SOX17: variants seen among roughly 807,000 people sequenced by gnomAD.
SOX17 encodes SRY-box transcription factor 17.
In SOX17, 4 loss-of-function variants were observed where a neutral mutation model predicts 16.0. The ratio of observed to expected loss-of-function variants is 0.25; its 90% confidence interval spans 0.12 to 0.57. The LOEUF (loss-of-function observed/expected upper bound fraction) is 0.57. SOX17 is among the 20% of genes least tolerant of loss of function. The pLI is 0.92. For missense variants in SOX17, 633 were observed against 609.7 expected (o/e 1.04, Z -0.40); for synonymous variants, 357 against 284.6 (o/e 1.25, Z -2.56).
chr8:54,458,520 C>CAG lies in SOX17; in HGVS notation c.307+75_307+76insAG, dbSNP rs71554162. The stretch of plus-strand genomic sequence containing the variant: ...CTAGGCCGATTTCTTAAACCCCAAA[C>CAG]TGTTCTTTGCGAGCCTGACGCCCAA... On this transcript the variant is annotated intron_variant, in intron 1 of 1. Coordinates refer to ENST00000297316, the MANE Select transcript of SOX17 (RefSeq NM_022454.4). The CAG allele has an allele frequency of 0.2, 316,472 of 1,558,862 alleles. 35,924 individuals are homozygous for CAG. Among genetic ancestry groups the CAG allele is most frequent in the East Asian group, 0.39 (16,815 of 43,270 alleles).
At position 54,458,224 on chromosome 8, in the gene SOX17, C is replaced by CCT. The variant is rs1374608094; in HGVS notation, c.87_88dup (p.Cys30SerfsTer8). On this transcript the variant is annotated frameshift_variant, in exon 1 of 2. Transcript: ENST00000297316. LOFTEE classifies it high-confidence loss of function. The stretch of plus-strand genomic sequence containing the variant: ...CCCGCGGTGATGGCCGGGCTGGGCC[C>CCT]CTGCCCCTGGGCCGAGTCGCTGAGC... 1.3e-6 allele frequency: 2 copies of CCT among 1,595,908 alleles called. No homozygotes were observed. The highest frequency in any genetic ancestry group is 3.5e-5 in the Admixed American group (2 of 57,350).
At chr8:54,459,015 C>G (rs770756461) in intron 1 of SOX17, 43 bp from the exon 2 acceptor site, 5 of 1,508,624 alleles carry the variant, frequency 3.3e-6, no homozygotes, top group Non-Finnish European at 4.5e-6. Flanking sequence ...GGAGCGCAGC[C>G]GATAAGCCCT....
rs1450721508 is a variant in SOX17, at chr8:54,459,980, C to T, written c.1230C>T (p.Asn410=). 1 of 1,613,808 alleles carries T rather than the reference C, an allele frequency of 6.2e-7. No homozygotes were observed. The highest frequency in any genetic ancestry group is 2.2e-5 in the East Asian group (1 of 44,886). ...SDASSAVYYC[N]YPDV is the part of the protein sequence containing the mutation. ...CCAGCTCCGCGGTATATTACTGCAA[C>T]TATCCTGACGTGTGACAGGTCCCTG... The change falls in exon 2 of 2, where the codon AAC becomes AAT. Residue 410 remains asparagine (N), a synonymous_variant. Coordinates refer to ENST00000297316, the MANE Select transcript of SOX17 (RefSeq NM_022454.4).
Position 54,457,942 on chromosome 8 carries a change from C to G in SOX17, c.-197C>G. 1.6e-6 allele frequency: 1 copy of G among 625,714 alleles called. No individual in the cohort carries two copies. Among genetic ancestry groups the G allele is most frequent in the Non-Finnish European group, 2.5e-6 (1 of 395,456 alleles). The allele number at this position is 625,714 out of a possible 1,614,324, so 38.8% of individuals were successfully genotyped here. On this transcript the variant is annotated 5_prime_UTR_variant, in exon 1 of 2. Coordinates refer to ENST00000297316, the MANE Select transcript of SOX17 (RefSeq NM_022454.4). Reference sequence around the variant, plus strand: ...CGCGGCCCAGGGGCGCCCGCAGTGTCACTAGGCCGGCTGGGGGCCCTGGGT... The same window carrying G: ...CGCGGCCCAGGGGCGCCCGCAGTGTGACTAGGCCGGCTGGGGGCCCTGGGT...
chr8:54,460,808 TGGGAAGTGGCAA>T lies in SOX17; in HGVS notation c.*815_*826del, dbSNP rs1271074041. The stretch of plus-strand genomic sequence containing the variant: ...CCTTAATCTTCACATTTTTACACCT[TGGGAAGTGGCAA>T]GCATCGCTGGGTTTAAGATAAAGGA... On this transcript the variant is annotated 3_prime_UTR_variant, in exon 2 of 2. Transcript: ENST00000297316. The T allele has an allele frequency of 4.4e-6, 1 of 227,148 alleles. No homozygotes were observed. The highest frequency in any genetic ancestry group is 8.7e-6 in the Non-Finnish European group (1 of 114,432). 14.1% of individuals were successfully genotyped at this position (227,148 alleles called of 1,614,324 possible).
chr8:54,458,156 G>T lies in SOX17; in HGVS notation c.18G>T (p.Ala6=). The part of the protein sequence containing the change: MSSPD[A]GYASDDQSQT... ...GGAGCGCCATGAGCAGCCCGGATGC[G>T]GGATACGCCAGTGACGACCAGAGCC... Residue 6 remains alanine (A), a synonymous_variant, in exon 1 of 2, where the codon GCG becomes GCT. Transcript: ENST00000297316. The T allele has an allele frequency of 6.4e-7, 1 of 1,570,010 alleles. No homozygotes were observed. The highest frequency in any genetic ancestry group is 2.3e-5 in the East Asian group (1 of 43,548).
In SOX17 at chr8:54,459,377, G is replaced by C; in HGVS notation, c.627G>C (p.Leu209=). ...MGGHYRDCQS[L]GAPPLDGYPL... Reference sequence around the variant, plus strand: ...GCCACTACCGCGACTGCCAGAGTCTGGGCGCGCCTCCGCTCGACGGCTACC... The same window carrying C: ...GCCACTACCGCGACTGCCAGAGTCTCGGCGCGCCTCCGCTCGACGGCTACC... Residue 209 remains leucine, a synonymous_variant, in exon 2 of 2, where the codon CTG becomes CTC. Transcript: ENST00000297316. The C allele has an allele frequency of 1.9e-6, 3 of 1,559,584 alleles. No individual in the cohort carries two copies. The highest frequency in any genetic ancestry group is 2.6e-6 in the Non-Finnish European group (3 of 1,163,648).
chr8:54,458,914 C>G, intron 1 of SOX17, 144 bp from the exon 2 acceptor site: 2 of 716,990 alleles, frequency 2.8e-6, no homozygotes, highest in East Asian at 3.0e-5. Flanking sequence ...TCAGGAGTCC[C>G]AGATCTCCCT....
Position 54,458,417 on chromosome 8 carries a change from G to A in SOX17, c.279G>A (p.Leu93=). Residue 93 remains leucine (L), a synonymous_variant, in exon 1 of 2, where the codon CTG becomes CTA. Coordinates refer to ENST00000297316, the MANE Select transcript of SOX17 (RefSeq NM_022454.4). Reference sequence around the variant, plus strand: ...GGCTGGCGCAGCAGAATCCAGACCTGCACAACGCCGAGTTGAGCAAGATGC... The same window carrying A: ...GGCTGGCGCAGCAGAATCCAGACCTACACAACGCCGAGTTGAGCAAGATGC... ...RKRLAQQNPD[L]HNAELSKMLG... The A allele has an allele frequency of 6.2e-7, 1 of 1,612,820 alleles. No homozygotes were observed. Among genetic ancestry groups the A allele is most frequent in the Non-Finnish European group, 8.5e-7 (1 of 1,179,916 alleles).
At position 54,460,328 on chromosome 8, in the gene SOX17, G is replaced by A; in HGVS notation, c.*333G>A. The A allele has an allele frequency of 2.4e-6, 1 of 410,072 alleles. No individual in the cohort carries two copies. Among genetic ancestry groups the A allele is most frequent in the South Asian group, 3.3e-5 (1 of 29,872 alleles). 25.4% of individuals were successfully genotyped at this position (410,072 alleles called of 1,614,324 possible). ...TATTGATCAAAGAAATGTTGTCCTG[G>A]GTGTGTTTTTTCAATCTTCTAAAAA... is the stretch of plus-strand genomic sequence containing the variant. On this transcript the variant is annotated 3_prime_UTR_variant, in exon 2 of 2. Transcript: ENST00000297316.
intron 1 of SOX17, 43 bp downstream of exon 1, chr8:54,458,488 CG>C: frequency 6.2e-7 from 1 of 1,608,814 alleles, no homozygotes; most frequent in South Asian, 1.1e-5. Context: ...CGCGCTGGCG[CG>C]AATCGCTAGG....
rs748390939 is a variant in SOX17, at chr8:54,460,047, C to T, written c.*52C>T. 1.3e-6 allele frequency: 2 copies of T among 1,582,578 alleles called. No individual in the cohort carries two copies. Among genetic ancestry groups the T allele is most frequent in the African/African-American group, 1.3e-5 (1 of 74,294 alleles). The stretch of plus-strand genomic sequence containing the variant: ...AGGCCAGAAGCAGTGTTACACACTT[C>T]CTGGAGGAGCTAAGGAAATCCTCAG... On this transcript the variant is annotated 3_prime_UTR_variant, in exon 2 of 2. Coordinates refer to ENST00000297316, the MANE Select transcript of SOX17 (RefSeq NM_022454.4).
intron 1 of SOX17, among the ~76,000 whole-genome samples, chr8:54,458,847 A>C (rs1804680590): frequency 1.3e-5 from 2 of 152,178 alleles, no homozygotes; most frequent in Admixed American, 1.3e-4. Flanking sequence ...AGCCGCTTCC[A>C]GGAGACCAAA....
intron 1 of SOX17, 127 bp from the exon 2 acceptor site, chr8:54,458,931 C>G: frequency 3.6e-6 from 3 of 824,372 alleles, no homozygotes; most frequent in Middle Eastern, 3.8e-4. Flanking sequence ...CCCTCTTTAA[C>G]TTCACCCCGG....
In SOX17 at chr8:54,458,693, T is replaced by C. The variant is rs1305776136; in HGVS notation, c.307+248T>C. 2.0e-5 allele frequency among the ~76,000 whole-genome samples: 3 copies of C among 152,194 alleles called. No individual in the cohort carries two copies. In the South Asian group the frequency reaches 6.2e-4, roughly 31 times the overall value. On this transcript the variant is annotated intron_variant, in intron 1 of 1. Transcript: ENST00000297316. ...GCCGGGGGCGCGGGTCCAACGGCTC[T>C]GGGAAGGCGACTTCCCGGCACCTCC...
rs1403034582 is a variant in SOX17 at position 54,459,963 on chromosome 8, G to A, written c.1213G>A (p.Ala405Thr). ...ISSVVSDASS[A>T]VYYCNYPDV is the part of the protein sequence containing the mutation. ...CTCGGTGGTGTCCGACGCCAGCTCC[G>A]CGGTATATTACTGCAACTATCCTGA... The change falls in exon 2 of 2, where the codon GCG becomes ACG. Residue 405 changes from alanine to threonine, a missense_variant. Physicochemically the swap from Ala to Thr is moderately conservative, Grantham distance 58. Coordinates refer to ENST00000297316, the MANE Select transcript of SOX17 (RefSeq NM_022454.4). 9 of 1,613,786 alleles carry A rather than the reference G, an allele frequency of 5.6e-6. No homozygotes were observed. The highest frequency in any genetic ancestry group is 7.6e-6 in the Non-Finnish European group (9 of 1,180,046).
In SOX17 at chr8:54,459,630, C is replaced by G. The variant is rs1330790367; in HGVS notation, c.880C>G (p.His294Asp). ...CCTCCTGGCGCCACCCAGCGCCCTT[C>G]ACGTGTACTACGGCGCGATGGGCTC... is the stretch of plus-strand genomic sequence containing the variant. Reference protein sequence around the residue: ...PGLLAPPSALHVYYGAMGSPG... With the variant: ...PGLLAPPSALDVYYGAMGSPG... The change falls in exon 2 of 2, where the codon CAC becomes GAC. Residue 294 changes from histidine to aspartate, a missense_variant. His to Asp is a moderately conservative substitution (Grantham distance 81). Coordinates refer to ENST00000297316, the MANE Select transcript of SOX17 (RefSeq NM_022454.4). The G allele has an allele frequency of 5.8e-6, 9 of 1,539,000 alleles. No individual in the cohort carries two copies. The highest frequency in any genetic ancestry group is 7.8e-6 in the Non-Finnish European group (9 of 1,147,672).
chr8:54,460,077 C>T lies in SOX17; in HGVS notation c.*82C>T. 1 of 1,468,836 alleles carries T rather than the reference C, an allele frequency of 6.8e-7. No individual in the cohort carries two copies. Among genetic ancestry groups the T allele is most frequent in the Non-Finnish European group, 9.5e-7 (1 of 1,052,668 alleles). The allele number at this position is 1,468,836 out of a possible 1,614,324, so 91.0% of individuals were successfully genotyped here. ...AGGAGCTAAGGAAATCCTCAGACTC[C>T]TGGGTTTTTGTTGTTGCTGTTGTTG... On this transcript the variant is annotated 3_prime_UTR_variant, in exon 2 of 2. Transcript: ENST00000297316.
Position 54,459,698 on chromosome 8 carries a change from ACACCAGCACCAG to A in SOX17, c.966_977del (p.Gln322_His325del), listed in dbSNP as rs564144826. On this transcript the variant is annotated inframe_deletion, in exon 2 of 2. Transcript: ENST00000297316. ...GGCGCGGCTTCCAGATGCAGCCGCAACACCAGCACCAGCACCAGCACCAGCACCACCCCCCGG... is the reference window on the plus strand; with the variant it reads ...GGCGCGGCTTCCAGATGCAGCCGCAACACCAGCACCAGCACCACCCCCCGG... The A allele has an allele frequency of 2.7e-5, 41 of 1,543,376 alleles. No individual in the cohort carries two copies. The highest frequency in any genetic ancestry group is 1.5e-4 in the South Asian group (13 of 84,718).
Sources: gnomAD v4.1 joint callset for allele counts (sites outside exome capture counted in the v4.1 genomes callset) on GRCh38, gnomAD v4.1.1 for gene constraint, MANE v1.5 for transcripts, NCBI Gene and HGNC (gene_info 2026-07-23, HGNC 2026-07-21) for gene names.